Variants in MARK3 observed in about 807,000 individuals in gnomAD.
The protein encoded by MARK3 is MAP/microtubule affinity-regulating kinase 3.
Under a neutral mutation model 90.1 loss-of-function variants are expected in MARK3, and 46 were observed. The observed-to-expected ratio is 0.51, with a 90% CI of 0.40 to 0.65. The LOEUF (loss-of-function observed/expected upper bound fraction) is 0.65. Ranked by LOEUF, MARK3 falls within the 30% of genes least tolerant of loss-of-function variation. The pLI is 0.00. For synonymous variants in MARK3, 321 were observed against 332.6 expected (o/e 0.97, Z 0.38); for missense variants, 818 against 947.2 (o/e 0.86, Z 1.79).
At chr14:103,467,255 T>G in intron 11 of MARK3, 64 bp downstream of exon 11, 2 of 738,654 alleles carry the variant, frequency 2.7e-6, no homozygotes, top group Non-Finnish European at 4.4e-6. Context: ...TAAACTGTTT[T>G]CTTAGTTTTT....
intron 2 of MARK3, among the ~76,000 whole-genome samples, chr14:103,419,668 G>A (rs778981995): frequency 1.5e-4 from 23 of 152,072 alleles, no homozygotes; most frequent in Middle Eastern, 3.2e-3. Context: ...TACCTTTTCA[G>A]GTGATTGTGG....
At chr14:103,435,960 G>A (rs1156977007) in intron 3 of MARK3, among the ~76,000 whole-genome samples, 4 of 151,244 alleles carry the variant, frequency 2.6e-5, no homozygotes, top group East Asian at 2.0e-4. Flanking sequence ...GTGCCATCTC[G>A]GCTCACTGCA....
intron 6 of MARK3, among the ~76,000 whole-genome samples, chr14:103,458,434 G>C (rs574107767): frequency 6.9e-6 from 1 of 144,190 alleles, no homozygotes; most frequent in Non-Finnish European, 1.5e-5. Flanking sequence ...ACTTCAGCCT[G>C]GGTGACAGAG....
intron 2 of MARK3, among the ~76,000 whole-genome samples, chr14:103,415,682 A>G (rs1212641784): frequency 6.6e-6 from 1 of 152,168 alleles, no homozygotes; most frequent in African/African-American, 2.4e-5. Flanking sequence ...CCTCACACGA[A>G]CTACAGAACT....
intron 13 of MARK3, among the ~76,000 whole-genome samples, chr14:103,478,034 C>T (rs1278065084): frequency 3.3e-5 from 5 of 150,060 alleles, no homozygotes; most frequent in African/African-American, 9.8e-5. Flanking sequence ...CAGTGGCTCA[C>T]GCCTGTAATC....
chr14:103,445,179 T>C (rs2092962984), intron 3 of MARK3, among the ~76,000 whole-genome samples: 1 of 152,190 alleles, frequency 6.6e-6, no homozygotes. Flanking sequence ...CTCCAGCATA[T>C]ATTAGCTGAG....
chr14:103,455,082 T>A (rs1248676051), intron 5 of MARK3, among the ~76,000 whole-genome samples: 1 of 152,214 alleles, frequency 6.6e-6, no homozygotes, highest in African/African-American at 2.4e-5. Context: ...TAATTATGAG[T>A]GTGACATATG....
chr14:103,394,472 G>T (rs368256886), intron 1 of MARK3, among the ~76,000 whole-genome samples: 1 of 152,108 alleles, frequency 6.6e-6, no homozygotes, highest in Non-Finnish European at 1.5e-5. Context: ...GTCTTCAGCC[G>T]AGAGTTCGCT....
At chr14:103,412,687 G>A (rs4900574) in intron 2 of MARK3, 446,801 of 725,368 alleles carry the variant, frequency 0.62, 144,585 homozygotes, top group South Asian at 0.82. Context: ...GGAACTTGGG[G>A]CACTTTCACT....
chr14:103,496,416 A>AC (rs1476798004), intron 15 of MARK3, among the ~76,000 whole-genome samples: 3 of 127,632 alleles, frequency 2.4e-5, no homozygotes, highest in South Asian at 5.8e-4. Context: ...CCCCATCTCT[A>AC]CTTTTTTTTT....
intron 14 of MARK3, among the ~76,000 whole-genome samples, chr14:103,482,705 G>A (rs1328993749): frequency 6.6e-6 from 1 of 152,106 alleles, no homozygotes; most frequent in Non-Finnish European, 1.5e-5. Flanking sequence ...CCAGGCACAT[G>A]CATATATGCC....
intron 13 of MARK3, among the ~76,000 whole-genome samples, chr14:103,477,871 G>A (rs1461198824): frequency 6.6e-6 from 1 of 152,000 alleles, no homozygotes; most frequent in Non-Finnish European, 1.5e-5. Context: ...CACACCTGTA[G>A]TACCAGCTAC....
intron 1 of MARK3, among the ~76,000 whole-genome samples, chr14:103,388,775 AT>A (rs1405558494): frequency 6.6e-6 from 1 of 152,148 alleles, no homozygotes; most frequent in African/African-American, 2.4e-5. Flanking sequence ...CACAGTGTAA[AT>A]AATCTTTTGT....
chr14:103,492,722 A>G (rs1440282420), intron 15 of MARK3, among the ~76,000 whole-genome samples: 3 of 152,192 alleles, frequency 2.0e-5, no homozygotes, highest in Non-Finnish European at 4.4e-5. Context: ...CTGGGGCCTC[A>G]GTAAACTCTC....
chr14:103,425,465 G>A (rs1043443107), intron 2 of MARK3, among the ~76,000 whole-genome samples: 1 of 152,008 alleles, frequency 6.6e-6, no homozygotes, highest in African/African-American at 2.4e-5. Context: ...GTTTCACCAT[G>A]TTGGCCAGGC....
intron 14 of MARK3, among the ~76,000 whole-genome samples, chr14:103,482,991 T>C (rs1359077781): frequency 6.6e-6 from 1 of 152,214 alleles, no homozygotes; most frequent in Non-Finnish European, 1.5e-5. Flanking sequence ...GTTTTAATAA[T>C]ATTTGGACTT....
intron 13 of MARK3, among the ~76,000 whole-genome samples, chr14:103,480,118 T>G (rs967362311): frequency 1.8e-4 from 28 of 151,524 alleles, no homozygotes; most frequent in Non-Finnish European, 5.9e-5. Context: ...ACACTGCATC[T>G]CAAAAAAGAA....
chr14:103,460,992 G>A, intron 6 of MARK3, among the ~76,000 whole-genome samples: 1 of 152,200 alleles, frequency 6.6e-6, no homozygotes, highest in Non-Finnish European at 1.5e-5. Context: ...AAGCTGCTTA[G>A]TAAAGTGCTG....
rs1211259212 is a variant in MARK3, at chr14:103,466,105, T to C, written c.897+14T>C. ...GGCACTCTAGAGGTAATCATGTAGG[T>C]GGAAACAAGCAGTAACTTTGGAGAG... On this transcript the variant is annotated intron_variant, in intron 9 of 17. Coordinates refer to ENST00000429436, the MANE Select transcript of MARK3 (RefSeq NM_001128918.3). 6.2e-7 allele frequency: 1 copy of C among 1,611,832 alleles called. No homozygotes were observed. The highest frequency in any genetic ancestry group is 8.5e-7 in the Non-Finnish European group (1 of 1,179,398).
Sources: allele counts gnomAD v4.1 joint callset (sites outside exome capture counted in the v4.1 genomes callset), GRCh38; gene constraint gnomAD v4.1.1; transcripts MANE v1.5; gene names NCBI Gene and HGNC (gene_info 2026-07-23, HGNC 2026-07-21).